Variants in KIAA0825 observed in about 807,000 individuals in gnomAD.
The protein encoded by KIAA0825 is uncharacterized protein KIAA0825.
In KIAA0825, 119 loss-of-function variants were observed where a neutral mutation model predicts 147.6. That is an observed-to-expected ratio of 0.81 (90% CI 0.69 to 0.94). The LOEUF (loss-of-function observed/expected upper bound fraction) is 0.94, where lower values mean the gene tolerates loss of function less well. Ranked by LOEUF, KIAA0825 falls within the 40% of genes least tolerant of loss-of-function variation. The probability of loss-of-function intolerance (pLI) is 0.00; values close to 1 mark genes in which losing one functional copy is unlikely to be tolerated. For missense variants in KIAA0825, 1,381 were observed against 1,472.7 expected (o/e 0.94, Z 1.02); for synonymous variants, 470 against 518.1 (o/e 0.91, Z 1.26).
intron 1 of KIAA0825, among the ~76,000 whole-genome samples, chr5:94,600,851 G>A (rs1786280256): frequency 1.3e-5 from 2 of 152,154 alleles, no homozygotes; most frequent in Non-Finnish European, 2.9e-5. Context: ...CTCCTCACTG[G>A]ATGGGACTTC....
At chr5:94,449,792 T>C (rs1758169621) in intron 13 of KIAA0825, among the ~76,000 whole-genome samples, 1 of 152,122 alleles carries the variant, frequency 6.6e-6, no homozygotes, top group Non-Finnish European at 1.5e-5. Flanking sequence ...AAAAATGTAT[T>C]CACAGGCCGG....
At chr5:94,398,580 T>C (rs1750977600) in intron 16 of KIAA0825, among the ~76,000 whole-genome samples, 1 of 152,194 alleles carries the variant, frequency 6.6e-6, no homozygotes, top group Non-Finnish European at 1.5e-5. Context: ...ATTAGGTCCA[T>C]AATTGGCTAT....
chr5:94,337,275 G>A (rs1017963031), intron 20 of KIAA0825, among the ~76,000 whole-genome samples: 1 of 152,152 alleles, frequency 6.6e-6, no homozygotes, highest in Non-Finnish European at 1.5e-5. Flanking sequence ...TAAGAATTCA[G>A]CGTATTGGTA....
intron 20 of KIAA0825, among the ~76,000 whole-genome samples, chr5:94,252,391 A>T (rs1196575133): frequency 6.6e-6 from 1 of 151,690 alleles, no homozygotes; most frequent in Non-Finnish European, 1.5e-5. Flanking sequence ...ATGCTAAATA[A>T]CTCTATACCT....
At chr5:94,424,328 TAAC>T (rs1298489335) in intron 14 of KIAA0825, among the ~76,000 whole-genome samples, 2 of 151,906 alleles carry the variant, frequency 1.3e-5, no homozygotes, top group African/African-American at 4.8e-5. Flanking sequence ...ATGAAAATCA[TAAC>T]AAAGGAATAA....
intron 20 of KIAA0825, among the ~76,000 whole-genome samples, chr5:94,269,948 A>T (rs1439676717): frequency 1.3e-5 from 2 of 152,118 alleles, no homozygotes; most frequent in Non-Finnish European, 2.9e-5. Context: ...ATACATTCAG[A>T]AATGAAAAAG....
At chr5:94,171,028 C>T (rs1317665915) in intron 20 of KIAA0825, among the ~76,000 whole-genome samples, 2 of 152,154 alleles carry the variant, frequency 1.3e-5, no homozygotes, top group East Asian at 1.9e-4. Context: ...CTGAATCATT[C>T]AGAACCAGCA....
chr5:94,613,273 CA>C (rs1389527617), intron 1 of KIAA0825, among the ~76,000 whole-genome samples: 1 of 152,106 alleles, frequency 6.6e-6, no homozygotes, highest in Non-Finnish European at 1.5e-5. Context: ...CGGTTCACTG[CA>C]ACATCCACCA....
intron 2 of KIAA0825, among the ~76,000 whole-genome samples, chr5:94,558,785 C>T (rs1313947456): frequency 6.6e-6 from 1 of 152,180 alleles, no homozygotes; most frequent in Non-Finnish European, 1.5e-5. Flanking sequence ...AAGAATTCTC[C>T]ACCTTCCACT....
chr5:94,468,101 A>G (rs986035438), intron 10 of KIAA0825, among the ~76,000 whole-genome samples: 2 of 152,222 alleles, frequency 1.3e-5, no homozygotes, highest in African/African-American at 4.8e-5. Context: ...CTATCTGGTT[A>G]TTTCCGTCTT....
intron 20 of KIAA0825, among the ~76,000 whole-genome samples, chr5:94,295,022 C>CTTGGTTCCA (rs1778074045): frequency 2.0e-5 from 3 of 152,180 alleles, no homozygotes; most frequent in Admixed American, 2.0e-4. Context: ...TGTTTTCTAA[C>CTTGGTTCCA]TTGGTTCCAT....
intron 20 of KIAA0825, among the ~76,000 whole-genome samples, chr5:94,182,019 G>T (rs1373749229): frequency 6.6e-6 from 1 of 152,016 alleles, no homozygotes; most frequent in African/African-American, 2.4e-5. Flanking sequence ...CTGCTGACAA[G>T]ATGTTTAAAC....
At chr5:94,510,878 T>C (rs1766377704) in intron 5 of KIAA0825, among the ~76,000 whole-genome samples, 2 of 152,200 alleles carry the variant, frequency 1.3e-5, no homozygotes, top group South Asian at 4.1e-4. Context: ...GAAAATGTAA[T>C]TTCAGACAAA....
At chr5:94,495,396 C>G (rs1183676573) in intron 5 of KIAA0825, among the ~76,000 whole-genome samples, 1 of 152,162 alleles carries the variant, frequency 6.6e-6, no homozygotes, top group Non-Finnish European at 1.5e-5. Flanking sequence ...CCCTTGGTGG[C>G]AGACATTATC....
At chr5:94,280,874 T>C (rs1038932334) in intron 20 of KIAA0825, among the ~76,000 whole-genome samples, 7 of 151,980 alleles carry the variant, frequency 4.6e-5, no homozygotes, top group Admixed American at 4.6e-4. Context: ...ACAACATAAC[T>C]CCAGGACATG....
intron 2 of KIAA0825, among the ~76,000 whole-genome samples, chr5:94,577,539 T>G (rs1781300776): frequency 6.6e-6 from 1 of 152,236 alleles, no homozygotes; most frequent in Non-Finnish European, 1.5e-5. Flanking sequence ...AATTAAACTC[T>G]CTTTGGCAAT....
rs571684051 is a variant in KIAA0825 at position 94,482,211 on chromosome 5, G to A, written c.1132+2558C>T. Among the ~76,000 whole-genome samples, 11 of 151,960 alleles carry A rather than the reference G, an allele frequency of 7.2e-5. No homozygotes were observed. In the East Asian group the frequency reaches 1.4e-3, roughly 19 times the overall value. Reference sequence around the variant, plus strand: ...TCTACAATCAAATTACTGAGAGAACGGCCAATTTGGCTAAGTCTACAATAT... The same window carrying A: ...TCTACAATCAAATTACTGAGAGAACAGCCAATTTGGCTAAGTCTACAATAT... On this transcript the variant is annotated intron_variant, in intron 6 of 20. Transcript: ENST00000682413.
intron 20 of KIAA0825, among the ~76,000 whole-genome samples, chr5:94,369,491 GAGTT>G (rs770959989): frequency 8.5e-5 from 13 of 152,168 alleles, no homozygotes; most frequent in Non-Finnish European, 1.5e-4. Context: ...GTGAGCGAAT[GAGTT>G]AGCTTCAGGA....
At position 94,386,417 on chromosome 5, in the gene KIAA0825, G is replaced by A. The variant is rs1444198448; in HGVS notation, c.3457-13C>T. On this transcript the variant is annotated splice_polypyrimidine_tract_variant and intron_variant, in intron 18 of 20. Coordinates refer to ENST00000682413, the MANE Select transcript of KIAA0825 (RefSeq NM_001145678.3). ...CTTTTAAATATTCCTTCAAAGAAAA[G>A]AAATTACAAGTTGTGACGGTGAGAA... 3 of 1,539,064 alleles carry A rather than the reference G, an allele frequency of 1.9e-6. No individual in the cohort carries two copies. Among genetic ancestry groups the A allele is most frequent in the Middle Eastern group, 1.7e-4 (1 of 5,902 alleles).
Sources: gnomAD v4.1 joint callset for allele counts (sites outside exome capture counted in the v4.1 genomes callset) on GRCh38, gnomAD v4.1.1 for gene constraint, MANE v1.5 for transcripts, NCBI Gene and HGNC (gene_info 2026-07-23, HGNC 2026-07-21) for gene names.